TNFSF4: variants seen among roughly 807,000 people sequenced by gnomAD.
TNFSF4 encodes the protein TNF superfamily member 4, also known as tumor necrosis factor ligand superfamily member 4.
Under a neutral mutation model 7.3 loss-of-function variants are expected in TNFSF4, and 4 were observed. The observed-to-expected ratio is 0.55, with a 90% CI of 0.27 to 1.25. TNFSF4 has a LOEUF of 1.25. Among genes scored for constraint, TNFSF4 ranks in the 50% most tolerant of loss-of-function variants. The pLI, the probability that TNFSF4 is intolerant of heterozygous loss-of-function variation, is 0.12. For missense variants in TNFSF4, 181 were observed against 208.8 expected (o/e 0.87, Z 0.82); for synonymous variants, 76 against 83.7 (o/e 0.91, Z 0.50).
At chr1:173,442,551 G>GTTTTTTTTTTTTT in the TNFSF4 span, among the ~76,000 whole-genome samples, 1 of 119,408 alleles carries the variant, frequency 8.4e-6, no homozygotes, top group African/African-American at 3.6e-5. Context: ...TTTTGTTTTT[G>GTTTTTTTTTTTTT]TTTTTTTTTT....
At chr1:173,323,634 T>A in the TNFSF4 span, among the ~76,000 whole-genome samples, 1 of 151,938 alleles carries the variant, frequency 6.6e-6, no homozygotes, top group East Asian at 1.9e-4. Flanking sequence ...GATGAATGGA[T>A]AACTAGAATA....
chr1:173,403,327 T>C, the TNFSF4 span, among the ~76,000 whole-genome samples: 2 of 152,224 alleles, frequency 1.3e-5, no homozygotes, highest in Non-Finnish European at 2.9e-5. Context: ...CTGATGCTAC[T>C]GCTAGCCAGC....
At chr1:173,210,098 G>C (rs1650324350), upstream of TNFSF4, among the ~76,000 whole-genome samples, 2 of 151,472 alleles carry the variant, frequency 1.3e-5, no homozygotes, top group African/African-American at 4.9e-5. Flanking sequence ...CTGGGTTTTG[G>C]TTTTGGGGTT....
the TNFSF4 span, among the ~76,000 whole-genome samples, chr1:173,222,379 A>C: frequency 4.6e-5 from 7 of 152,310 alleles, no homozygotes; most frequent in African/African-American, 1.4e-4. Flanking sequence ...TTAATCAGGG[A>C]AAGTTAGTTG....
At position 173,205,702 on chromosome 1, in the gene TNFSF4, G is replaced by T. The variant is rs530113926; in HGVS notation, c.153+1322C>A. On this transcript the variant is annotated intron_variant, in intron 1 of 2. Coordinates refer to ENST00000281834, the MANE Select transcript of TNFSF4 (RefSeq NM_003326.5). ...TTCTCAAAAGAGCCTAATTCCGGTT[G>T]ATGTCTTGGGCATCCGGTCGATGTC... 3.5e-5 allele frequency: 19 copies of T among 539,160 alleles called. No homozygotes were observed. The African/African-American group carries it at 3.9e-4, about 11-fold the overall frequency. The allele number at this position is 539,160 out of a possible 1,614,324, so 33.4% of individuals were successfully genotyped here.
chr1:173,363,109 T>G, the TNFSF4 span: 735 of 340,230 alleles, frequency 2.2e-3, 6 homozygotes, highest in African/African-American at 0.012. Context: ...TTCAGAGTTT[T>G]GCTACCAACT....
chr1:173,331,163 G>A, the TNFSF4 span, among the ~76,000 whole-genome samples: 21 of 152,156 alleles, frequency 1.4e-4, no homozygotes, highest in Non-Finnish European at 2.9e-4. Context: ...AGGATTACAG[G>A]CATCGGCCAC....
chr1:173,264,116 C>A, the TNFSF4 span, among the ~76,000 whole-genome samples: 1 of 151,982 alleles, frequency 6.6e-6, no homozygotes, highest in East Asian at 1.9e-4. Context: ...GCACATGTAC[C>A]CCTGAACTTA....
At chr1:173,243,423 T>C in the TNFSF4 span, among the ~76,000 whole-genome samples, 7 of 152,266 alleles carry the variant, frequency 4.6e-5, no homozygotes, top group South Asian at 1.5e-3. Flanking sequence ...CAAGTGGATT[T>C]GCGGGTCTCT....
intron 1 of TNFSF4, among the ~76,000 whole-genome samples, chr1:173,206,779 A>G (rs1650213012): frequency 1.3e-5 from 2 of 152,218 alleles, no homozygotes; most frequent in African/African-American, 4.8e-5. Context: ...GCAAAGAAAA[A>G]GAAAAAGATC....
At chr1:173,423,206 A>G in the TNFSF4 span, among the ~76,000 whole-genome samples, 1 of 152,208 alleles carries the variant, frequency 6.6e-6, no homozygotes, top group Non-Finnish European at 1.5e-5. Flanking sequence ...AATCTAAAAT[A>G]ATAGATTTTA....
At chr1:173,422,618 G>T in the TNFSF4 span, among the ~76,000 whole-genome samples, 1 of 152,172 alleles carries the variant, frequency 6.6e-6, no homozygotes, top group South Asian at 2.1e-4. Context: ...AGTAACTGCT[G>T]ACCAGGCTGA....
At chr1:173,332,875 T>C in the TNFSF4 span, among the ~76,000 whole-genome samples, 1 of 152,122 alleles carries the variant, frequency 6.6e-6, no homozygotes, top group Non-Finnish European at 1.5e-5. Flanking sequence ...TAAATAAACA[T>C]TTGTTGCACA....
chr1:173,316,310 T>C, the TNFSF4 span, among the ~76,000 whole-genome samples: 2 of 152,116 alleles, frequency 1.3e-5, no homozygotes, highest in Admixed American at 1.3e-4. Flanking sequence ...TTACCTTAAA[T>C]ATATGTAACT....
At chr1:173,416,306 T>A in the TNFSF4 span, among the ~76,000 whole-genome samples, 1 of 152,176 alleles carries the variant, frequency 6.6e-6, no homozygotes, top group Admixed American at 6.5e-5. Flanking sequence ...AAAGGAGACA[T>A]CCTGGGCTGG....
the TNFSF4 span, among the ~76,000 whole-genome samples, chr1:173,434,713 A>G: frequency 3.9e-5 from 6 of 152,250 alleles, no homozygotes. Flanking sequence ...TCCTCTGCAG[A>G]GGCCGGAACC....
chr1:173,410,395 G>A, the TNFSF4 span, among the ~76,000 whole-genome samples: 9 of 152,210 alleles, frequency 5.9e-5, no homozygotes, highest in Admixed American at 3.9e-4. Flanking sequence ...AAGAATTCAA[G>A]GAATAAGGTT....
chr1:173,324,156 C>T, the TNFSF4 span, among the ~76,000 whole-genome samples: 1 of 152,162 alleles, frequency 6.6e-6, no homozygotes, highest in Non-Finnish European at 1.5e-5. Context: ...AGACTAACAG[C>T]GGATCTCTCG....
At chr1:173,220,187 A>T in the TNFSF4 span, among the ~76,000 whole-genome samples, 5,106 of 151,978 alleles carry the variant, frequency 0.034, 93 homozygotes, top group Admixed American at 0.058. Flanking sequence ...AGTTTTTTTT[A>T]AAAAAAAGCA....
Sources: allele counts gnomAD v4.1 joint callset (sites outside exome capture counted in the v4.1 genomes callset), GRCh38; gene constraint gnomAD v4.1.1; transcripts MANE v1.5; gene names NCBI Gene and HGNC (gene_info 2026-07-23, HGNC 2026-07-21).